The following MYO15B variants were observed in gnomAD, a reference collection of about 807,000 sequenced individuals.
MYO15B encodes the protein myosin XVB pseudogene.
In MYO15B, 207 loss-of-function variants were observed where a neutral mutation model predicts 119.3. The observed-to-expected ratio is 1.73, with a 90% CI of 1.55 to 1.95. MYO15B has a LOEUF of 1.95. Among genes scored for constraint, MYO15B ranks in the 30% most tolerant of loss-of-function variants. MYO15B has a pLI of 0.00. For missense variants in MYO15B, 2,264 were observed against 1,203.1 expected (o/e 1.88, Z -13.04); for synonymous variants, 966 against 498.9 (o/e 1.94, Z -12.48).
intron 22 of MYO15B, among the ~76,000 whole-genome samples, chr17:75,610,518 C>T (rs1438440259): frequency 6.6e-6 from 1 of 152,206 alleles, no homozygotes; most frequent in Non-Finnish European, 1.5e-5. Context: ...CCCATCCCCT[C>T]CAGGCCTCCC....
Position 75,589,271 on chromosome 17 carries a change from G to C in MYO15B, c.1214G>C (p.Gly405Ala). The change falls in exon 1 of 64, where the codon GGG (glycine) becomes GCG (alanine). Residue 405 changes from glycine to alanine, a missense_variant. Gly to Ala is a moderately conservative substitution (Grantham distance 60). Transcript: ENST00000645453. This position sits in a 1 kb window ranked among gnomAD's most constrained non-coding sequence, Gnocchi z 4.2. ...GGTACCGGGCCACGGGCGAGCGAGG[G>C]GTGGGGCCGCCGGAAACCGGACGAG... The C allele has an allele frequency of 2.5e-6, 1 of 397,854 alleles. No individual in the cohort carries two copies. The highest frequency in any genetic ancestry group is 4.4e-6 in the Non-Finnish European group (1 of 225,762). 24.6% of individuals were successfully genotyped at this position (397,854 alleles called of 1,614,324 possible).
At chr17:75,588,568 G>A (rs993698830) in exon 1 of MYO15B, 1 of 398,992 alleles carries the variant, frequency 2.5e-6, no homozygotes, top group Non-Finnish European at 4.4e-6. Context: ...CCAGGAGAGC[G>A]GCAGCCAGCG....
Position 75,596,562 on chromosome 17 carries a change from G to A in MYO15B, c.3393+7G>A, listed in dbSNP as rs1396198983. On this transcript the variant is annotated splice_region_variant and intron_variant, in intron 13 of 63. Coordinates refer to ENST00000645453, the Ensembl canonical transcript of MYO15B. ...GCTGCTGGCCCAGGAGGAGGTAAGAGGATTGGGCGTGGACGTGGCAGGGGC... is the reference window on the plus strand; with the variant it reads ...GCTGCTGGCCCAGGAGGAGGTAAGAAGATTGGGCGTGGACGTGGCAGGGGC... The A allele has an allele frequency of 1.4e-6, 1 of 702,924 alleles. No homozygotes were observed. The highest frequency in any genetic ancestry group is 2.6e-6 in the Non-Finnish European group (1 of 385,004). The allele number at this position is 702,924 out of a possible 1,614,324, so 43.5% of individuals were successfully genotyped here.
At chr17:75,604,444 A>G (rs1335577641) in intron 19 of MYO15B, among the ~76,000 whole-genome samples, 1 of 149,602 alleles carries the variant, frequency 6.7e-6, no homozygotes, top group African/African-American at 2.5e-5. Context: ...AATGTCCTTC[A>G]ACACTCCCCC....
exon 42 of MYO15B, chr17:75,617,817 A>G (rs1568207387): frequency 5.7e-6 from 4 of 701,846 alleles, no homozygotes; most frequent in Non-Finnish European, 1.0e-5. Context: ...CAGGCTTGAC[A>G]CAGCCCGTGG....
Position 75,601,329 on chromosome 17 carries a change from C to T in MYO15B, c.3526-109C>T, listed in dbSNP as rs185880465. The T allele has an allele frequency of 6.0e-4, 364 of 608,162 alleles. 3 individuals are homozygous for T. The highest frequency in any genetic ancestry group is 5.3e-3 in the African/African-American group (288 of 54,550). The allele number at this position is 608,162 out of a possible 1,614,324, so 37.7% of individuals were successfully genotyped here. On this transcript the variant is annotated intron_variant, in intron 14 of 63. Transcript: ENST00000645453. ...GCTTGTTTTGGGGAACAAAGCCAAA[C>T]CTACCCTTATAGTCAGTGTAGGCAG...
chr17:75,617,270 C>T (rs1397167578), exon 41 of MYO15B: 8 of 677,736 alleles, frequency 1.2e-5, no homozygotes, highest in Admixed American at 6.8e-5. Flanking sequence ...TGCCTCTGCC[C>T]GAGGACCCAG....
intron 53 of MYO15B, among the ~76,000 whole-genome samples, chr17:75,623,524 T>A (rs1196313800): frequency 6.6e-6 from 1 of 152,120 alleles, no homozygotes; most frequent in South Asian, 2.1e-4. Flanking sequence ...CTTGGGAGGC[T>A]GAGGCAGGAG....
intron 25 of MYO15B, 58 bp from the exon 26 acceptor site, chr17:75,612,740 C>A: frequency 1.4e-6 from 1 of 699,938 alleles, no homozygotes; most frequent in East Asian, 2.7e-5. Context: ...TCCGGTGGGG[C>A]TCCCCTGGGC....
rs948536304 is a variant in MYO15B, at chr17:75,619,338, T to G, written c.7064-20T>G. The stretch of plus-strand genomic sequence containing the variant: ...CCCTCTGTGTGAGCAGAGGGCAGCC[T>G]GGGTCCTTCCTGCCCACAGGAGGCT... On this transcript the variant is annotated intron_variant, in intron 44 of 63. Coordinates refer to ENST00000645453, the Ensembl canonical transcript of MYO15B. The G allele has an allele frequency of 7.1e-6, 5 of 702,550 alleles. No homozygotes were observed. The African/African-American group carries it at 8.7e-5, about 12-fold the overall frequency. 43.5% of individuals were successfully genotyped at this position (702,550 alleles called of 1,614,324 possible). A position where few individuals can be genotyped will look rare whatever the true frequency, so the allele number is the denominator to read the frequency against.
At chr17:75,617,226 G>A (rs912133139) in exon 41 of MYO15B, 4 of 698,348 alleles carry the variant, frequency 5.7e-6, no homozygotes, top group African/African-American at 1.8e-5. Context: ...GCTGCCTATT[G>A]CCCACACACC....
In MYO15B at chr17:75,624,031, AC is replaced by A. The variant is rs2148150100; in HGVS notation, c.8241del (p.Lys2748SerfsTer38). The A allele has an allele frequency of 1.4e-6, 1 of 702,948 alleles. No homozygotes were observed. Among genetic ancestry groups the A allele is most frequent in the East Asian group, 2.7e-5 (1 of 37,266 alleles). 43.5% of individuals were successfully genotyped at this position (702,948 alleles called of 1,614,324 possible). A position where few individuals can be genotyped will look rare whatever the true frequency, so the allele number is the denominator to read the frequency against. On this transcript the variant is annotated frameshift_variant, in exon 55 of 64. Transcript: ENST00000645453. LOFTEE classifies it high-confidence loss of function. ...GTCGACCAGGCTGATGCCCTACCTG[AC>A]CAAGTTTCTGCAGGATTCAGGCCCC... is the stretch of plus-strand genomic sequence containing the variant.
chr17:75,606,486 T>TG (rs2057661088), intron 21 of MYO15B, among the ~76,000 whole-genome samples: 1 of 146,406 alleles, frequency 6.8e-6, no homozygotes. Context: ...AGCTAATTTT[T>TG]TTTTGAGATG....
At chr17:75,587,918 C>A in exon 1 of MYO15B, 2 of 396,288 alleles carry the variant, frequency 5.0e-6, no homozygotes, top group Non-Finnish European at 8.9e-6. Flanking sequence ...GTAAGGCGGG[C>A]ACCTCGGGGA....
At chr17:75,619,929 T>C (rs1284052380) in exon 47 of MYO15B, 3 of 702,568 alleles carry the variant, frequency 4.3e-6, no homozygotes, top group South Asian at 1.5e-5. Context: ...ACCCTGGAGC[T>C]GTCACTGAAG....
intron 19 of MYO15B, among the ~76,000 whole-genome samples, chr17:75,604,780 C>T (rs1381384507): frequency 1.3e-5 from 2 of 151,954 alleles, no homozygotes; most frequent in Admixed American, 1.3e-4. Context: ...AGAGCAGGCA[C>T]TTTCCAAATT....
At position 75,589,525 on chromosome 17, in the gene MYO15B, G is replaced by C; in HGVS notation, c.1468G>C (p.Glu490Gln). The change falls in exon 1 of 64, where the codon GAG (glutamate) becomes CAG (glutamine). Residue 490 changes from glutamate to glutamine, a missense_variant. Coordinates refer to ENST00000645453, the Ensembl canonical transcript of MYO15B. This position sits in a 1 kb window ranked among gnomAD's most constrained non-coding sequence, Gnocchi z 4.2. ...GAGAGGGTACGAGGGGTGGGGCCGT[G>C]AGCCCGGGCTGCGGCACCGTCTAGC... The C allele has an allele frequency of 2.5e-6, 1 of 398,618 alleles. No individual in the cohort carries two copies. Among genetic ancestry groups the C allele is most frequent in the Non-Finnish European group, 4.4e-6 (1 of 226,066 alleles). 24.7% of individuals were successfully genotyped at this position (398,618 alleles called of 1,614,324 possible). A position where few individuals can be genotyped will look rare whatever the true frequency, so the allele number is the denominator to read the frequency against.
chr17:75,617,798 C>T lies in MYO15B; in HGVS notation c.6815-12C>T, dbSNP rs545163402. 292 of 699,134 alleles carry T rather than the reference C, an allele frequency of 4.2e-4. 4 individuals are homozygous for T. The highest frequency in any genetic ancestry group is 1.6e-3 in the Middle Eastern group (7 of 4,346). 43.3% of individuals were successfully genotyped at this position (699,134 alleles called of 1,614,324 possible). ...CCCTCACTGAGGCTCCTCACCCCCT[C>T]CTCTCTGCCAGGCTTGACACAGCCC... On this transcript the variant is annotated splice_polypyrimidine_tract_variant and intron_variant, in intron 41 of 63. Transcript: ENST00000645453.
intron 21 of MYO15B, among the ~76,000 whole-genome samples, chr17:75,607,720 C>G (rs2057748536): frequency 2.0e-5 from 3 of 152,108 alleles, no homozygotes; most frequent in South Asian, 2.1e-4. Context: ...CTCAGCCTCT[C>G]AAAGTGCTGG....
Sources: gnomAD v4.1 joint callset for allele counts (sites outside exome capture counted in the v4.1 genomes callset) on GRCh38, gnomAD v4.1.1 for gene constraint, Gnocchi (gnomAD v3.1) non-coding constraint, MANE v1.5 for transcripts, NCBI Gene and HGNC (gene_info 2026-07-23, HGNC 2026-07-21) for gene names.